The following KRT8 variants were observed in gnomAD, a reference collection of about 807,000 sequenced individuals.
KRT8 encodes keratin 8.
In KRT8, 24 loss-of-function variants were observed where a neutral mutation model predicts 43.0. The observed-to-expected ratio is 0.56, with a 90% confidence interval of 0.40 to 0.78. KRT8 has a LOEUF of 0.78. Among genes scored for constraint, KRT8 ranks in the 30% least tolerant of loss-of-function variants. The pLI is 0.00. For missense variants in KRT8, 492 were observed against 638.4 expected (o/e 0.77, Z 2.47); for synonymous variants, 214 against 261.2 (o/e 0.82, Z 1.74).
intron 2 of KRT8, among the ~76,000 whole-genome samples, chr12:52,935,394 A>G (rs868100761): frequency 4.1e-5 from 5 of 122,436 alleles, no homozygotes; most frequent in Non-Finnish European, 5.1e-5. Flanking sequence ...AAAAAAAAAA[A>G]AAAAAAAAAA....
intron 2 of KRT8, among the ~76,000 whole-genome samples, chr12:52,925,241 G>T (rs951893292): frequency 1.3e-5 from 2 of 152,164 alleles, no homozygotes; most frequent in Non-Finnish European, 1.5e-5. Flanking sequence ...GCTGGAGGAG[G>T]TGTGTATGCA....
chr12:52,918,200 A>AAGAAGAAGG lies in KRT8; in HGVS notation c.-46-13174_-46-13173insCCTTCTTCT, dbSNP rs1565725675. On this transcript the variant is annotated intron_variant, in intron 2 of 6. Coordinates refer to the KRT8 transcript ENST00000546826. ...GAAGAGGAAGAAGAAGAAGAAGAAG[A>AAGAAGAAGG]AGAACAAGAAGAAGAAGAAGAAGAA... Among the ~76,000 whole-genome samples the AAGAAGAAGG allele has an allele frequency of 8.2e-5, 10 of 121,250 alleles. 1 individual carries two copies. The highest frequency in any genetic ancestry group is 3.5e-4 in the African/African-American group (10 of 28,898). The allele number at this position is 121,250 out of a possible 152,430, so 79.5% of individuals were successfully genotyped here. A position where few individuals can be genotyped will look rare whatever the true frequency, so the allele number is the denominator to read the frequency against.
rs141920513 is a variant in KRT8, at chr12:52,922,284, C to T, written c.-46-17257G>A. 8.7e-4 allele frequency among the ~76,000 whole-genome samples: 132 copies of T among 151,830 alleles called. 1 individual carries two copies. The highest frequency in any genetic ancestry group is 1.8e-3 in the Admixed American group (28 of 15,240). Reference sequence around the variant, plus strand: ...CCTCCAAAGCCATGTCTCTCCTCCCCACCTTATACCTCCCTCTCTCCCTGA... The same window carrying T: ...CCTCCAAAGCCATGTCTCTCCTCCCTACCTTATACCTCCCTCTCTCCCTGA... On this transcript the variant is annotated intron_variant, in intron 2 of 6. Transcript: ENST00000546826.
At chr12:52,937,263 T>C (rs531512289) in intron 2 of KRT8, among the ~76,000 whole-genome samples, 2 of 151,052 alleles carry the variant, frequency 1.3e-5, no homozygotes, top group Non-Finnish European at 3.0e-5. Context: ...CCCAGCCACT[T>C]GGGAGGCTGA....
intron 2 of KRT8, among the ~76,000 whole-genome samples, chr12:52,929,169 CTCCT>C (rs1449267077): frequency 4.0e-5 from 6 of 148,818 alleles, no homozygotes; most frequent in Admixed American, 2.1e-4. Context: ...CTGACCACTC[CTCCT>C]TCCTTCCTTC....
intron 1 of KRT8, among the ~76,000 whole-genome samples, chr12:52,902,658 GA>G (rs1341596503): frequency 6.6e-6 from 1 of 151,948 alleles, no homozygotes; most frequent in East Asian, 2.0e-4. Flanking sequence ...AAAGTGCTGG[GA>G]TTATAGGCGT....
intron 1 of KRT8, chr12:52,949,632 C>G: frequency 6.5e-7 from 1 of 1,535,014 alleles, no homozygotes; most frequent in Non-Finnish European, 9.0e-7. Flanking sequence ...CTTGTCTGAC[C>G]CTCCAATTAT....
chr12:52,902,518 G>C (rs1265576683), intron 1 of KRT8, among the ~76,000 whole-genome samples: 3 of 151,970 alleles, frequency 2.0e-5, no homozygotes, highest in African/African-American at 7.2e-5. Flanking sequence ...CGAGTAGCTG[G>C]GGCTACAGGC....
chr12:52,930,307 T>A (rs1009174138), intron 2 of KRT8, among the ~76,000 whole-genome samples: 13 of 152,006 alleles, frequency 8.6e-5, no homozygotes, highest in African/African-American at 2.9e-4. Flanking sequence ...AACCTCTGCC[T>A]CCCAGGTTCA....
intron 7 of KRT8, 43 bp from the exon 8 acceptor site, chr12:52,897,661 C>G: frequency 6.3e-7 from 1 of 1,597,476 alleles, no homozygotes; most frequent in Non-Finnish European, 8.5e-7. Flanking sequence ...AGAAGCCCAC[C>G]CCATGGCAGG....
chr12:52,926,332 G>GGCCTCC, intron 2 of KRT8: 1 of 600,278 alleles, frequency 1.7e-6, no homozygotes, highest in East Asian at 3.3e-5. Flanking sequence ...GGCACTAGCT[G>GGCCTCC]CCCTCCCCAC....
chr12:52,902,680 G>A (rs145650963), intron 1 of KRT8, among the ~76,000 whole-genome samples: 4 of 151,806 alleles, frequency 2.6e-5, no homozygotes, highest in Non-Finnish European at 5.9e-5. Context: ...AAGCCACCGC[G>A]CCCGGCCAAA....
chr12:52,900,887 T>A lies in KRT8; in HGVS notation c.595-204A>T. The A allele has an allele frequency of 4.7e-6, 3 of 638,126 alleles. No individual in the cohort carries two copies. The East Asian group carries it at 8.2e-5, about 17-fold the overall frequency. 39.5% of individuals were successfully genotyped at this position (638,126 alleles called of 1,614,324 possible). On this transcript the variant is annotated intron_variant, in intron 3 of 7. Coordinates refer to ENST00000692008, the Ensembl canonical transcript of KRT8. ...CTCTGCTTCCTGCAACACACCCTCT[T>A]CCACCTCCTTCTCTAGGGAGCCTTC...
chr12:52,905,826 G>A (rs1304265680), upstream of KRT8, among the ~76,000 whole-genome samples: 2 of 152,128 alleles, frequency 1.3e-5, no homozygotes, highest in Non-Finnish European at 2.9e-5. Flanking sequence ...AGGCACGGTG[G>A]CTCACGCCTG....
At chr12:52,948,113 G>T (rs1484594977) in intron 2 of KRT8, 3 of 152,320 alleles carry the variant, frequency 2.0e-5, no homozygotes, top group Non-Finnish European at 4.4e-5. Flanking sequence ...AGGGGAGGGT[G>T]GTGGAGGGGG....
chr12:52,906,451 G>C, upstream of KRT8: 1 of 320,808 alleles, frequency 3.1e-6, no homozygotes, highest in South Asian at 2.5e-5. Context: ...AGGAAATAGA[G>C]GAAGAGTCCC....
chr12:52,930,445 T>C (rs1036948493), intron 2 of KRT8, among the ~76,000 whole-genome samples: 2 of 152,242 alleles, frequency 1.3e-5, no homozygotes, highest in African/African-American at 4.8e-5. Context: ...GGTCTCGAAC[T>C]CTCGACCTCA....
upstream of KRT8, among the ~76,000 whole-genome samples, chr12:52,905,449 G>T (rs985843319): frequency 2.0e-5 from 3 of 152,118 alleles, no homozygotes; most frequent in African/African-American, 7.2e-5. Flanking sequence ...ATGGGAAAAA[G>T]GGGTCTCCTA....
At chr12:52,924,406 G>A (rs372471873) in intron 2 of KRT8, among the ~76,000 whole-genome samples, 4 of 149,986 alleles carry the variant, frequency 2.7e-5, no homozygotes, top group South Asian at 2.1e-4. Context: ...CTGAGATTGC[G>A]CCACTGCACT....
Sources: allele counts gnomAD v4.1 joint callset (sites outside exome capture counted in the v4.1 genomes callset), GRCh38; gene constraint gnomAD v4.1.1; transcripts MANE v1.5; gene names NCBI Gene and HGNC (gene_info 2026-07-23, HGNC 2026-07-21).